NAA25: variants seen among roughly 807,000 people sequenced by gnomAD.
NAA25 encodes the protein N-terminal acetyltransferase B complex subunit NAA25.
NAA25 carries 30 observed loss-of-function variants against 132.5 expected under a neutral mutation model. The ratio of observed to expected loss-of-function variants is 0.23; its 90% confidence interval spans 0.17 to 0.31. NAA25 has a LOEUF of 0.31. Ranked by LOEUF, NAA25 falls within the 10% of genes least tolerant of loss-of-function variation. The pLI is 1.00. For synonymous variants in NAA25, 359 were observed against 401.9 expected (o/e 0.89, Z 1.28); for missense variants, 771 against 1,150.4 (o/e 0.67, Z 4.77).
At chr12:112,051,142 A>G (rs2078459240) in intron 15 of NAA25, among the ~76,000 whole-genome samples, 1 of 152,192 alleles carries the variant, frequency 6.6e-6, no homozygotes, top group Non-Finnish European at 1.5e-5. Flanking sequence ...TTTCTTTAGG[A>G]AACAGTTCAC....
At position 112,071,539 on chromosome 12, in the gene NAA25, C is replaced by T. The variant is rs147463838; in HGVS notation, c.1036+356G>A. On this transcript the variant is annotated intron_variant, in intron 10 of 23. Coordinates refer to ENST00000261745, the MANE Select transcript of NAA25 (RefSeq NM_024953.4). ...TGTAGATGGGGTTTCACCATGTTGC[C>T]CCAGCTGATCTCCAACTCCTGAGCT... 4.9e-4 allele frequency among the ~76,000 whole-genome samples: 75 copies of T among 152,002 alleles called. No homozygotes were observed. In the East Asian group the frequency reaches 0.013, roughly 26 times the overall value.
intron 17 of NAA25, among the ~76,000 whole-genome samples, chr12:112,044,110 T>C (rs2078341300): frequency 6.6e-6 from 1 of 151,756 alleles, no homozygotes; most frequent in African/African-American, 2.4e-5. Flanking sequence ...TTTTTGTATT[T>C]TTAGTAGAGA....
At chr12:112,081,242 T>C (rs2078970123) in intron 4 of NAA25, 108 bp from the exon 5 acceptor site, 1 of 849,416 alleles carries the variant, frequency 1.2e-6, no homozygotes, top group Non-Finnish European at 1.9e-6. Context: ...TATATTTACA[T>C]ATCCCAGTTA....
Position 112,029,519 on chromosome 12 carries a change from A to G in NAA25, c.*12T>C. ...TGTTGCAGAGTCATCAGTGCCCATGATAGATACTTCCTTAAATTTTTAGTT... is the reference window on the plus strand; with the variant it reads ...TGTTGCAGAGTCATCAGTGCCCATGGTAGATACTTCCTTAAATTTTTAGTT... On this transcript the variant is annotated 3_prime_UTR_variant, in exon 24 of 24. Coordinates refer to ENST00000261745, the MANE Select transcript of NAA25 (RefSeq NM_024953.4). 6.2e-7 allele frequency: 1 copy of G among 1,613,906 alleles called. No individual in the cohort carries two copies. The highest frequency in any genetic ancestry group is 8.5e-7 in the Non-Finnish European group (1 of 1,179,858).
intron 22 of NAA25, chr12:112,034,658 C>CAAA (rs2078199789): frequency 1.3e-5 from 2 of 151,648 alleles, no homozygotes; most frequent in Admixed American, 1.3e-4. Context: ...ACAACAACAA[C>CAAA]AAAATTAGCT....
At chr12:112,051,668 C>T (rs574515931) in intron 15 of NAA25, among the ~76,000 whole-genome samples, 1 of 152,270 alleles carries the variant, frequency 6.6e-6, no homozygotes, top group East Asian at 1.9e-4. Context: ...ACATCACATA[C>T]ATTCAGATGA....
At chr12:112,092,869 G>C (rs150747048) in intron 2 of NAA25, among the ~76,000 whole-genome samples, 182 bp downstream of exon 2, 1 of 151,922 alleles carries the variant, frequency 6.6e-6, no homozygotes, top group African/African-American at 2.4e-5. Context: ...GTAGAGACAG[G>C]GTTTCACCAT....
intron 5 of NAA25, among the ~76,000 whole-genome samples, chr12:112,080,397 T>C (rs1241379877): frequency 4.0e-5 from 6 of 149,514 alleles, no homozygotes; most frequent in African/African-American, 1.5e-4. Context: ...CACAGTCAGA[T>C]ACAGAGGCTC....
intron 8 of NAA25, 50 bp from the exon 9 acceptor site, chr12:112,074,814 G>C (rs992364728): frequency 1.2e-5 from 15 of 1,220,888 alleles, no homozygotes; most frequent in Admixed American, 2.0e-5. Flanking sequence ...AGTTGTGACA[G>C]ATCTTCCTTA....
Position 112,090,659 on chromosome 12 carries a change from GCAAA to G in NAA25, c.283+63_283+66del, listed in dbSNP as rs1469427492. The G allele has an allele frequency of 5.9e-6, 9 of 1,519,468 alleles. No homozygotes were observed. The Admixed American group carries it at 1.1e-4, about 19-fold the overall frequency. 94.1% of individuals were successfully genotyped at this position (1,519,468 alleles called of 1,614,324 possible). A position where few individuals can be genotyped will look rare whatever the true frequency, so the allele number is the denominator to read the frequency against. ...ATCATGAGTGAGAAATCAGACAAGG[GCAAA>G]CAGTCAGAAATATCCAAAATTTTCA... On this transcript the variant is annotated intron_variant, in intron 3 of 23. Coordinates refer to ENST00000261745, the MANE Select transcript of NAA25 (RefSeq NM_024953.4).
chr12:112,029,884 C>G (rs1246114835), intron 23 of NAA25, among the ~76,000 whole-genome samples: 1 of 152,146 alleles, frequency 6.6e-6, no homozygotes, highest in African/African-American at 2.4e-5. Flanking sequence ...AGCATCATTA[C>G]TCTTTCAAGT....
intron 15 of NAA25, among the ~76,000 whole-genome samples, chr12:112,052,916 T>C (rs1204707883): frequency 6.6e-6 from 1 of 152,240 alleles, no homozygotes. Context: ...TTTTTATAAT[T>C]GGTCAACTGA....
chr12:112,037,672 C>T (rs1383643942), intron 22 of NAA25: 3 of 137,198 alleles, frequency 2.2e-5, no homozygotes, highest in Admixed American at 7.1e-5. Flanking sequence ...ATTAGTGTCC[C>T]ATTATTGGTG....
intron 2 of NAA25, among the ~76,000 whole-genome samples, chr12:112,092,709 A>C: frequency 6.9e-6 from 1 of 145,038 alleles, no homozygotes. Context: ...ACGGAGTCTC[A>C]CTCTGTCACC....
At chr12:112,068,009 A>T (rs959943579) in intron 11 of NAA25, among the ~76,000 whole-genome samples, 12 of 152,118 alleles carry the variant, frequency 7.9e-5, no homozygotes, top group African/African-American at 2.9e-4. Flanking sequence ...AAGTGCTGGG[A>T]TTACAGGCGT....
intron 1 of NAA25, among the ~76,000 whole-genome samples, chr12:112,106,203 C>T (rs1023255400): frequency 6.6e-6 from 1 of 152,162 alleles, no homozygotes; most frequent in Non-Finnish European, 1.5e-5. Flanking sequence ...ATTCTGACTT[C>T]AGTTTTGAGA....
intron 22 of NAA25, among the ~76,000 whole-genome samples, chr12:112,038,916 T>C (rs1047753347): frequency 3.9e-5 from 6 of 152,068 alleles, no homozygotes; most frequent in Non-Finnish European, 7.4e-5. Flanking sequence ...GGGGCAGAGG[T>C]TGCAGTGAGC....
rs1287788071 is a variant in NAA25, at chr12:112,034,971, C to T, written c.2650-1592G>A. On this transcript the variant is annotated intron_variant, in intron 22 of 23. Transcript: ENST00000261745. ...TTAATATAACAGTACAATATATAAC[C>T]ATTAAAAGTAATGAGATATATCTAT... 4 of 151,818 alleles carry T rather than the reference C, an allele frequency of 2.6e-5. No homozygotes were observed. In the East Asian group the frequency reaches 7.7e-4, roughly 29 times the overall value. The allele number at this position is 151,818 out of a possible 1,614,324, so 9.4% of individuals were successfully genotyped here.
intron 7 of NAA25, among the ~76,000 whole-genome samples, chr12:112,076,330 G>C (rs1044107895): frequency 2.6e-5 from 4 of 152,110 alleles, no homozygotes; most frequent in African/African-American, 4.8e-5. Context: ...TTTGTAAAAG[G>C]ATAGGTTTCA....
Sources: allele counts gnomAD v4.1 joint callset (sites outside exome capture counted in the v4.1 genomes callset), GRCh38; gene constraint gnomAD v4.1.1; transcripts MANE v1.5; gene names NCBI Gene and HGNC (gene_info 2026-07-23, HGNC 2026-07-21).